Variants in OSBP2 observed in about 807,000 individuals in gnomAD.
OSBP2 encodes the protein oxysterol binding protein 2, also known as oxysterol-binding protein 2.
OSBP2 carries 66 observed loss-of-function variants against 96.0 expected under a neutral mutation model. The observed-to-expected ratio is 0.69, with a 90% confidence interval of 0.56 to 0.84. The LOEUF is 0.84. Ranked by LOEUF, OSBP2 falls within the 40% of genes least tolerant of loss-of-function variation. The pLI, the probability that OSBP2 is intolerant of heterozygous loss-of-function variation, is 0.00. For missense variants in OSBP2, 1,038 were observed against 1,222.7 expected, an observed-to-expected ratio of 0.85 and a Z score of 2.25; for synonymous variants, 525 against 520.9, an observed-to-expected ratio of 1.01 and a Z score of -0.11.
chr22:30,810,106 G>A (rs2090986274), intron 2 of OSBP2, among the ~76,000 whole-genome samples: 1 of 152,118 alleles, frequency 6.6e-6, no homozygotes, highest in South Asian at 2.1e-4. Flanking sequence ...GTGAATGGGG[G>A]ATAGGATATG....
At chr22:30,869,283 G>A (rs1421113048) in intron 2 of OSBP2, among the ~76,000 whole-genome samples, 1 of 152,226 alleles carries the variant, frequency 6.6e-6, no homozygotes. Context: ...GAAGAGGGTG[G>A]CCAGCCAGGC....
Position 30,870,142 on chromosome 22 carries a change from T to C in OSBP2, c.854-287T>C, listed in dbSNP as rs558893466. Among the ~76,000 whole-genome samples the C allele has an allele frequency of 6.6e-6, 1 of 152,304 alleles. No individual in the cohort carries two copies. The highest frequency in any genetic ancestry group is 2.4e-5 in the African/African-American group (1 of 41,584). ...CGCCCTGCATGCAGGTGGGTGCCTG[T>C]AGGCCTGCCGCCTCCAAAGCCCAGT... On this transcript the variant is annotated intron_variant, in intron 2 of 13. Coordinates refer to ENST00000332585, the MANE Select transcript of OSBP2 (RefSeq NM_030758.4). The surrounding 1 kb of genome is among the most constrained non-coding windows in gnomAD (Gnocchi z 4.1).
chr22:30,788,284 A>G (rs910151018), intron 2 of OSBP2, among the ~76,000 whole-genome samples: 12 of 152,066 alleles, frequency 7.9e-5, no homozygotes, highest in African/African-American at 2.9e-4. Flanking sequence ...ATCCTTTTAT[A>G]TACAGTTTCC....
In OSBP2 at chr22:30,870,687, G is replaced by A; in HGVS notation, c.1107+5G>A. 2 of 1,609,240 alleles carry A rather than the reference G, an allele frequency of 1.2e-6. No homozygotes were observed. The highest frequency in any genetic ancestry group is 1.7e-4 in the Middle Eastern group (1 of 6,048). On this transcript the variant is annotated splice_donor_5th_base_variant and intron_variant, in intron 3 of 13. Coordinates refer to ENST00000332585, the MANE Select transcript of OSBP2 (RefSeq NM_030758.4). The surrounding 1 kb of genome is among the most constrained non-coding windows in gnomAD (Gnocchi z 4.1). Reference sequence around the variant, plus strand: ...ACATCCAATGCTATGATCAACGTGAGTACCCACCCCCACCGCCCTGGCACG... The same window carrying A: ...ACATCCAATGCTATGATCAACGTGAATACCCACCCCCACCGCCCTGGCACG...
At chr22:30,789,197 T>C (rs1373165737) in intron 2 of OSBP2, among the ~76,000 whole-genome samples, 1 of 152,182 alleles carries the variant, frequency 6.6e-6, no homozygotes, top group Non-Finnish European at 1.5e-5. Flanking sequence ...GGTGAAAGTT[T>C]TGTTGCATCC....
intron 2 of OSBP2, among the ~76,000 whole-genome samples, chr22:30,842,929 GCCA>G (rs2147037683): frequency 6.6e-6 from 1 of 152,142 alleles, no homozygotes; most frequent in South Asian, 2.1e-4. Context: ...ACAGGAGTGT[GCCA>G]CCACACCTGG....
chr22:30,855,064 G>A (rs2039054015), intron 2 of OSBP2, among the ~76,000 whole-genome samples: 1 of 152,142 alleles, frequency 6.6e-6, no homozygotes, highest in Non-Finnish European at 1.5e-5. Context: ...TCTCTACCTG[G>A]CCCCTCCCAC....
At chr22:30,829,440 C>T (rs894846272) in intron 2 of OSBP2, among the ~76,000 whole-genome samples, 5 of 152,272 alleles carry the variant, frequency 3.3e-5, no homozygotes, top group South Asian at 4.1e-4. Flanking sequence ...TTACAGATGC[C>T]TGCCACCACG....
chr22:30,719,941 CA>C (rs1304488304), intron 1 of OSBP2, among the ~76,000 whole-genome samples: 13 of 152,206 alleles, frequency 8.5e-5, no homozygotes, highest in Non-Finnish European at 1.5e-4. Context: ...GACTTCTTCC[CA>C]TAGCATCTCA....
intron 2 of OSBP2, among the ~76,000 whole-genome samples, chr22:30,764,737 C>T (rs1256662921): frequency 1.3e-5 from 2 of 152,240 alleles, no homozygotes; most frequent in South Asian, 2.1e-4. Context: ...CTCCTTAGAA[C>T]AAAGGGAAAA....
At chr22:30,720,254 T>C (rs1003855599) in intron 1 of OSBP2, among the ~76,000 whole-genome samples, 6 of 152,222 alleles carry the variant, frequency 3.9e-5, no homozygotes, top group Non-Finnish European at 8.8e-5. Flanking sequence ...ATTGTTTCCA[T>C]GGATCATGAA....
intron 8 of OSBP2, 24 bp from the exon 9 acceptor site, chr22:30,893,098 C>CACATCCT: frequency 6.2e-7 from 1 of 1,611,564 alleles, no homozygotes; most frequent in Non-Finnish European, 8.5e-7. Context: ...GGCAGATGCT[C>CACATCCT]ACATCCTATG....
rs919753310 is a variant in OSBP2 at position 30,871,789 on chromosome 22, G to A, written c.1107+1107G>A. 3.3e-5 allele frequency among the ~76,000 whole-genome samples: 5 copies of A among 152,234 alleles called. No homozygotes were observed. Among genetic ancestry groups the A allele is most frequent in the African/African-American group, 1.2e-4 (5 of 41,466 alleles). ...GAGGCTGGAGCTCACCGCAGGCCAAGAGCCCAGGCTAAAACCTGGGCATCC... is the reference window on the plus strand; with the variant it reads ...GAGGCTGGAGCTCACCGCAGGCCAAAAGCCCAGGCTAAAACCTGGGCATCC... On this transcript the variant is annotated intron_variant, in intron 3 of 13. Coordinates refer to ENST00000332585, the MANE Select transcript of OSBP2 (RefSeq NM_030758.4). This position sits in a 1 kb window ranked among gnomAD's most constrained non-coding sequence, Gnocchi z 4.7.
chr22:30,716,074 T>C (rs2145694787), intron 1 of OSBP2, among the ~76,000 whole-genome samples: 1 of 149,892 alleles, frequency 6.7e-6, no homozygotes, highest in South Asian at 2.1e-4. Context: ...AGAATCTCGC[T>C]CTTGTCGCCC....
intron 2 of OSBP2, among the ~76,000 whole-genome samples, chr22:30,859,799 G>A (rs2039172071): frequency 6.6e-6 from 1 of 152,226 alleles, no homozygotes; most frequent in Non-Finnish European, 1.5e-5. Context: ...AGACTTCAAT[G>A]TGGAACAAAG....
At chr22:30,796,332 C>A (rs2090761304) in intron 2 of OSBP2, among the ~76,000 whole-genome samples, 1 of 152,032 alleles carries the variant, frequency 6.6e-6, no homozygotes, top group African/African-American at 2.4e-5. Context: ...GTTTTTCTTG[C>A]TTTTACTCCT....
rs573130858 is a variant in OSBP2, at chr22:30,858,239, C to T, written c.854-12190C>T. ...TCGGCTCACTGCAAGCTCCGCTTCC[C>T]GGGTTCACGCCATTCTCCTGCCTCA... is the stretch of plus-strand genomic sequence containing the variant. On this transcript the variant is annotated intron_variant, in intron 2 of 13. Transcript: ENST00000332585. Among the ~76,000 whole-genome samples, 78 of 150,070 alleles carry T rather than the reference C, an allele frequency of 5.2e-4. 1 individual carries two copies. In the East Asian group the frequency reaches 0.012, roughly 24 times the overall value.
intron 2 of OSBP2, among the ~76,000 whole-genome samples, chr22:30,869,289 C>T (rs2039411229): frequency 6.6e-6 from 1 of 152,222 alleles, no homozygotes; most frequent in Admixed American, 6.5e-5. Context: ...GGTGGCCAGC[C>T]AGGCAGTGTG....
intron 2 of OSBP2, among the ~76,000 whole-genome samples, chr22:30,793,469 C>A (rs1043890300): frequency 1.3e-5 from 2 of 151,726 alleles, no homozygotes; most frequent in African/African-American, 4.8e-5. Context: ...AGTTCAAGAC[C>A]AACCTGGGTA....
Sources: gnomAD v4.1 joint callset for allele counts (sites outside exome capture counted in the v4.1 genomes callset) on GRCh38, gnomAD v4.1.1 for gene constraint, Gnocchi (gnomAD v3.1) non-coding constraint, MANE v1.5 for transcripts, NCBI Gene and HGNC (gene_info 2026-07-23, HGNC 2026-07-21) for gene names.